The following NCOR1 variants were observed in gnomAD, a reference collection of about 807,000 sequenced individuals.
NCOR1 encodes protein phosphatase 1, regulatory subunit 109.
A neutral mutation model predicts 288.1 loss-of-function variants in NCOR1; 63 were observed. The ratio of observed to expected loss-of-function variants is 0.22; its 90% CI spans 0.18 to 0.27. The LOEUF is 0.27. NCOR1 is among the 10% of genes least tolerant of loss of function. NCOR1 has a pLI of 1.00. For synonymous variants in NCOR1, 1,007 were observed against 1,065.9 expected (o/e 0.94, Z 1.08); for missense variants, 2,397 against 3,019.2 (o/e 0.79, Z 4.83).
chr17:16,044,823 C>A, intron 42 of NCOR1: 1 of 1,083,674 alleles, frequency 9.2e-7, no homozygotes, highest in Non-Finnish European at 1.4e-6. Context: ...GCTGGTGGAC[C>A]TGCTCCAGCA....
intron 1 of NCOR1, among the ~76,000 whole-genome samples, chr17:16,196,682 G>A (rs1171145016): frequency 1.3e-5 from 2 of 152,082 alleles, no homozygotes; most frequent in South Asian, 2.1e-4. Context: ...AAAAGTAGCA[G>A]GGCGTGGTGG....
In NCOR1 at chr17:16,080,492, T is replaced by C; in HGVS notation, c.3316A>G (p.Lys1106Glu). Reference sequence around the variant, plus strand: ...CTTCGGGGAGAAAATTCTTCCTGCTTGATGTAGGGCAAAGTAGCTGTGGAA... The same window carrying C: ...CTTCGGGGAGAAAATTCTTCCTGCTCGATGTAGGGCAAAGTAGCTGTGGAA... Reference protein sequence around the residue: ...SAKSATLPYIKQEEFSPRSQN... With the variant: ...SAKSATLPYIEQEEFSPRSQN... The change falls in exon 25 of 46, where the codon AAG (lysine) becomes GAG (glutamate). Residue 1106 changes from lysine (K) to glutamate (E), a missense_variant. Around this residue, in one of 11 missense-constraint regions of NCOR1, gnomAD observed 1,872 missense variants for 2,187.8 expected, o/e 0.86. Coordinates refer to ENST00000268712, the MANE Select transcript of NCOR1 (RefSeq NM_006311.4). The C allele has an allele frequency of 1.9e-6, 3 of 1,614,118 alleles. No homozygotes were observed. Among genetic ancestry groups the C allele is most frequent in the Middle Eastern group, 1.6e-4 (1 of 6,062 alleles).
intron 14 of NCOR1, among the ~76,000 whole-genome samples, chr17:16,126,502 AT>A (rs1211257099): frequency 6.6e-6 from 1 of 152,126 alleles, no homozygotes; most frequent in Non-Finnish European, 1.5e-5. Flanking sequence ...CAACCTCCAC[AT>A]TTAATCTGTC....
chr17:16,038,113 C>G (rs991476583), intron 44 of NCOR1, among the ~76,000 whole-genome samples: 1 of 151,782 alleles, frequency 6.6e-6, no homozygotes, highest in Non-Finnish European at 1.5e-5. Flanking sequence ...TTTTTCTTAA[C>G]CATAGTGAGA....
chr17:16,061,784 T>G lies in NCOR1; in HGVS notation c.5498A>C (p.Gln1833Pro). The G allele has an allele frequency of 1.9e-6, 3 of 1,614,230 alleles. No homozygotes were observed. The highest frequency in any genetic ancestry group is 2.5e-6 in the Non-Finnish European group (3 of 1,180,030). Residue 1833 changes from glutamine (Q) to proline (P), a missense_variant, in exon 37 of 46, where the codon CAG (glutamine) becomes CCG (proline). This residue lies in a region of NCOR1 where 1,872 missense variants were observed against 2,187.8 expected (regional missense o/e 0.86). Transcript: ENST00000268712. ...ALVDAAASAP[Q>P]MDVSKTKESK... ...CTCTTTTGTTTTGGACACATCCATC[T>G]GGGGTGCAGAAGCTGCAGCATCCAC...
chr17:16,126,263 T>TA, intron 14 of NCOR1, 57 bp from the exon 15 acceptor site: 1 of 1,460,502 alleles, frequency 6.8e-7, no homozygotes, highest in South Asian at 1.6e-5. Context: ...TAGCTCCTTA[T>TA]AGTGTGATAA....
At position 16,029,346 on chromosome 17, in the gene NCOR1, T is replaced by C. The variant is rs1468837180; in HGVS notation, c.*2950A>G. On this transcript the variant is annotated 3_prime_UTR_variant, in exon 46 of 46. Transcript: ENST00000268712. ...AAGGAGGACTGATCTCCTTTACTGA[T>C]TGGTCTAAATTCAAAAGTGAATTGG... 7.5e-6 allele frequency: 3 copies of C among 401,116 alleles called. No individual in the cohort carries two copies. Among genetic ancestry groups the C allele is most frequent in the East Asian group, 7.3e-5 (1 of 13,670 alleles). The allele number at this position is 401,116 out of a possible 1,614,324, so 24.8% of individuals were successfully genotyped here.
At position 16,039,554 on chromosome 17, in the gene NCOR1, T is replaced by C. The variant is rs1290753263; in HGVS notation, c.6834A>G (p.Lys2278=). Residue 2278 remains lysine, a synonymous_variant, in exon 44 of 46, where the codon AAA becomes AAG. Transcript: ENST00000268712. ...RKALMGSFDD[K]VEDHGVVMSQ... The stretch of plus-strand genomic sequence containing the variant: ...ACATGACAACTCCATGATCCTCAAC[T>C]TTGTCATCAAAGCTTCCCATGAGAG... 6.2e-7 allele frequency: 1 copy of C among 1,614,180 alleles called. No homozygotes were observed.
At chr17:16,065,344 A>C in intron 33 of NCOR1, 141 bp downstream of exon 33, 1 of 994,488 alleles carries the variant, frequency 1.0e-6, no homozygotes, top group Admixed American at 2.7e-5. Context: ...TCTCTGGGCT[A>C]AAAAGTCTAC....
chr17:16,173,931 CA>C (rs941245543), intron 3 of NCOR1, among the ~76,000 whole-genome samples: 1,483 of 136,994 alleles, frequency 0.011, 27 homozygotes, highest in African/African-American at 0.036. Context: ...AACTCCATCT[CA>C]AAAAAAAAAA....
intron 14 of NCOR1, among the ~76,000 whole-genome samples, chr17:16,127,613 GTATGTGTATATATA>G (rs2074820257): frequency 4.5e-5 from 6 of 132,588 alleles, no homozygotes; most frequent in African/African-American, 1.6e-4. Flanking sequence ...ATACATATGT[GTATGTGTATATATA>G]CATATATGTA....
chr17:16,209,625 AGCTTTTGGATGT>A (rs1411129377), intron 1 of NCOR1, among the ~76,000 whole-genome samples: 1 of 135,186 alleles, frequency 7.4e-6, no homozygotes, highest in African/African-American at 2.9e-5. Flanking sequence ...ATTACAAATA[AGCTTTTGGATGT>A]AAAAAAAAAA....
chr17:16,093,533 C>T (rs1386613998), intron 21 of NCOR1, among the ~76,000 whole-genome samples: 1 of 152,162 alleles, frequency 6.6e-6, no homozygotes, highest in Non-Finnish European at 1.5e-5. Flanking sequence ...AAAAATAGCC[C>T]AGAACACAGT....
In NCOR1 at chr17:16,067,887, T is replaced by A. The variant is rs1373893830; in HGVS notation, c.4741+7A>T. ...TGCCATAAATTATCACTATATTTTGTGTTTACCAGGATCCAAAGCCCTGTG... is the reference window on the plus strand; with the variant it reads ...TGCCATAAATTATCACTATATTTTGAGTTTACCAGGATCCAAAGCCCTGTG... On this transcript the variant is annotated splice_region_variant and intron_variant, in intron 32 of 45. Coordinates refer to ENST00000268712, the MANE Select transcript of NCOR1 (RefSeq NM_006311.4). 2.5e-6 allele frequency: 4 copies of A among 1,606,890 alleles called. No individual in the cohort carries two copies. Among genetic ancestry groups the A allele is most frequent in the Non-Finnish European group, 3.4e-6 (4 of 1,176,542 alleles).
At position 16,029,199 on chromosome 17, in the gene NCOR1, C is replaced by T. The variant is rs1971740338; in HGVS notation, c.*3097G>A. Reference sequence around the variant, plus strand: ...TATTTATTTATTAATTTTAAATCATCCACAGTGACTCAGCTCATGGTCTCG... The same window carrying T: ...TATTTATTTATTAATTTTAAATCATTCACAGTGACTCAGCTCATGGTCTCG... On this transcript the variant is annotated 3_prime_UTR_variant, in exon 46 of 46. Transcript: ENST00000268712. 2.2e-6 allele frequency: 1 copy of T among 453,666 alleles called. No individual in the cohort carries two copies. The highest frequency in any genetic ancestry group is 4.4e-6 in the Non-Finnish European group (1 of 226,712). The allele number at this position is 453,666 out of a possible 1,614,324, so 28.1% of individuals were successfully genotyped here.
chr17:16,106,425 T>C (rs980090288), intron 19 of NCOR1, among the ~76,000 whole-genome samples: 2 of 135,846 alleles, frequency 1.5e-5, no homozygotes, highest in East Asian at 3.9e-4. Context: ...ATCTTTTTTT[T>C]TCCTAAAAAT....
chr17:16,136,806 CAAAAAA>C (rs60523446), intron 14 of NCOR1, among the ~76,000 whole-genome samples: 2 of 111,814 alleles, frequency 1.8e-5, no homozygotes, highest in African/African-American at 7.4e-5. Context: ...GACTCTGTTT[CAAAAAA>C]AAAAAAAAAA....
intron 21 of NCOR1, among the ~76,000 whole-genome samples, chr17:16,093,886 T>C (rs1260541325): frequency 6.6e-6 from 1 of 152,188 alleles, no homozygotes; most frequent in Non-Finnish European, 1.5e-5. Context: ...TTTTAATTCA[T>C]TTTAACCTTT....
Position 16,115,939 on chromosome 17 carries a change from C to T in NCOR1, c.2055+1949G>A, listed in dbSNP as rs138281877. Among the ~76,000 whole-genome samples, 146 of 152,254 alleles carry T rather than the reference C, an allele frequency of 9.6e-4. 3 individuals carry two copies. Among genetic ancestry groups the T allele is most frequent in the African/African-American group, 3.0e-3 (123 of 41,532 alleles). On this transcript the variant is annotated intron_variant, in intron 18 of 45. Transcript: ENST00000268712. The stretch of plus-strand genomic sequence containing the variant: ...AATTTATTGTATTAGTCCGTTTTCA[C>T]GCTGCTTATAAAGACATACCCAAGA...
Sources: gnomAD v4.1 joint callset for allele counts (sites outside exome capture counted in the v4.1 genomes callset) on GRCh38, gnomAD v4.1.1 for gene constraint, gnomAD v4.1.1 regional missense constraint, MANE v1.5 for transcripts, NCBI Gene and HGNC (gene_info 2026-07-23, HGNC 2026-07-21) for gene names.